The following WIPF3 variants were observed in gnomAD, a reference collection of about 807,000 sequenced individuals.
WIPF3 encodes WAS/WASL interacting protein family member 3.
In WIPF3, 33 loss-of-function variants were observed where a neutral mutation model predicts 38.9. That is an observed-to-expected ratio of 0.85 (90% CI 0.64 to 1.14). The LOEUF is 1.14. Among genes scored for constraint, WIPF3 ranks in the 50% most tolerant of loss-of-function variants. The probability of loss-of-function intolerance (pLI) is 0.00; values close to 1 mark genes in which losing one functional copy is unlikely to be tolerated. For synonymous variants in WIPF3, 324 were observed against 269.3 expected (o/e 1.20, Z -1.99); for missense variants, 711 against 652.5 (o/e 1.09, Z -0.98).
chr7:29,821,858 GCTT>G (rs902154776), intron 1 of WIPF3, among the ~76,000 whole-genome samples: 1 of 151,886 alleles, frequency 6.6e-6, no homozygotes, highest in Non-Finnish European at 1.5e-5. Context: ...TTTTCTTTGG[GCTT>G]CTTCTAGTGT....
intron 3 of WIPF3, among the ~76,000 whole-genome samples, chr7:29,877,868 T>A (rs959041868): frequency 2.6e-5 from 4 of 152,196 alleles, no homozygotes; most frequent in African/African-American, 4.8e-5. Flanking sequence ...TTCAAAATTT[T>A]AAAAAAATCT....
chr7:29,893,189 C>G (rs556203196), intron 7 of WIPF3, among the ~76,000 whole-genome samples: 2 of 152,214 alleles, frequency 1.3e-5, no homozygotes, highest in South Asian at 4.2e-4. Context: ...AGCCAGCATC[C>G]CAGGAGTGCC....
chr7:29,902,276 T>TC (rs1406911528), intron 7 of WIPF3, among the ~76,000 whole-genome samples: 40 of 146,290 alleles, frequency 2.7e-4, no homozygotes, highest in African/African-American at 9.7e-4. Flanking sequence ...TTCTTCTTCT[T>TC]TTTTTTTTTT....
intron 2 of WIPF3, among the ~76,000 whole-genome samples, chr7:29,870,988 AAAG>A (rs1488234487): frequency 6.6e-6 from 1 of 152,148 alleles, no homozygotes; most frequent in African/African-American, 2.4e-5. Flanking sequence ...AGGCTTTAGA[AAAG>A]AAGGTTAGCA....
chr7:29,822,123 G>GTTTTTTGTTT (rs1784546485), intron 1 of WIPF3, among the ~76,000 whole-genome samples: 2 of 62,878 alleles, frequency 3.2e-5, no homozygotes, highest in Non-Finnish European at 5.8e-5. Context: ...TTTTTTCTTA[G>GTTTTTTGTTT]TTTTTTTTTT....
chr7:29,862,569 C>T (rs1357739327), intron 2 of WIPF3, among the ~76,000 whole-genome samples: 1 of 152,154 alleles, frequency 6.6e-6, no homozygotes, highest in Non-Finnish European at 1.5e-5. Flanking sequence ...AAAAAATGAG[C>T]TGTGCAAAGA....
chr7:29,908,908 C>CAAAAAAAAAAAAAAAAAAA (rs59015755), intron 8 of WIPF3, among the ~76,000 whole-genome samples: 2 of 82,840 alleles, frequency 2.4e-5, no homozygotes, highest in Non-Finnish European at 2.5e-5. Flanking sequence ...AACTCCATCT[C>CAAAAAAAAAAAAAAAAAAA]AAAAAAAAAA....
chr7:29,872,056 T>TTATTG (rs2128072667), intron 2 of WIPF3, among the ~76,000 whole-genome samples: 1 of 152,332 alleles, frequency 6.6e-6, no homozygotes, highest in South Asian at 2.1e-4. Flanking sequence ...GTTGGCTTCT[T>TTATTG]TTTTGTTTTG....
intron 1 of WIPF3, among the ~76,000 whole-genome samples, chr7:29,820,852 A>G (rs1784527306): frequency 6.6e-6 from 1 of 152,246 alleles, no homozygotes; most frequent in South Asian, 2.1e-4. Flanking sequence ...TGAGTATAAT[A>G]GCTAAGGAAT....
At chr7:29,874,274 G>A (rs913373033) in intron 2 of WIPF3, among the ~76,000 whole-genome samples, 1 of 152,100 alleles carries the variant, frequency 6.6e-6, no homozygotes, top group Non-Finnish European at 1.5e-5. Flanking sequence ...TAGTTATTGA[G>A]CCAGATCCAA....
At chr7:29,845,090 C>A (rs1784978287) in intron 2 of WIPF3, among the ~76,000 whole-genome samples, 1 of 148,556 alleles carries the variant, frequency 6.7e-6, no homozygotes, top group Admixed American at 6.6e-5. Context: ...GGTTCTTCCA[C>A]CCTTCTAATA....
At chr7:29,901,937 G>C (rs1786290375) in intron 7 of WIPF3, among the ~76,000 whole-genome samples, 1 of 152,066 alleles carries the variant, frequency 6.6e-6, no homozygotes, top group Admixed American at 6.6e-5. Context: ...CCCAAACAGG[G>C]GGAATTTTGC....
chr7:29,832,264 G>C (rs1213025725), intron 1 of WIPF3, among the ~76,000 whole-genome samples: 1 of 152,198 alleles, frequency 6.6e-6, no homozygotes, highest in Middle Eastern at 3.2e-3. Flanking sequence ...AGTGCCTCCT[G>C]TAAAAGAAAG....
chr7:29,834,648 A>G lies in WIPF3; in HGVS notation c.-57-20A>G, dbSNP rs1784769891. On this transcript the variant is annotated intron_variant, in intron 1 of 8. Coordinates refer to ENST00000242140, the MANE Select transcript of WIPF3 (RefSeq NM_001080529.3). ...AGTAAAGAAATCCAAGTTTAAATCC[A>G]TTCTTTTTCTCTTTTTCAGAGCAGA... 2.2e-6 allele frequency: 3 copies of G among 1,386,392 alleles called. No homozygotes were observed. Among genetic ancestry groups the G allele is most frequent in the Non-Finnish European group, 2.8e-6 (3 of 1,066,826 alleles). The allele number at this position is 1,386,392 out of a possible 1,614,324, so 85.9% of individuals were successfully genotyped here.
chr7:29,848,269 G>C (rs1365116105), intron 2 of WIPF3, among the ~76,000 whole-genome samples: 1 of 152,210 alleles, frequency 6.6e-6, no homozygotes, highest in Non-Finnish European at 1.5e-5. Flanking sequence ...ACTCCAGTGA[G>C]ATGGCAGCTC....
Position 29,914,838 on chromosome 7 carries a change from T to G in WIPF3, c.*322T>G, listed in dbSNP as rs1786575523. ...GCTTGCAGGCTGGCCCTTCCTAGAT[T>G]CTGAACCGTTTGTAGAGAGTCCTTA... is the stretch of plus-strand genomic sequence containing the variant. On this transcript the variant is annotated 3_prime_UTR_variant, in exon 9 of 9. Coordinates refer to ENST00000242140, the MANE Select transcript of WIPF3 (RefSeq NM_001080529.3). 4.9e-6 allele frequency: 1 copy of G among 202,764 alleles called. No homozygotes were observed. Among genetic ancestry groups the G allele is most frequent in the South Asian group, 1.8e-4 (1 of 5,486 alleles). 12.6% of individuals were successfully genotyped at this position (202,764 alleles called of 1,614,324 possible).
At chr7:29,862,838 T>C (rs570423397) in intron 2 of WIPF3, among the ~76,000 whole-genome samples, 1 of 151,964 alleles carries the variant, frequency 6.6e-6, no homozygotes, top group African/African-American at 2.4e-5. Flanking sequence ...TTCCTCCTTA[T>C]TTTTTTTATC....
In WIPF3 at chr7:29,857,150, G is replaced by C. The variant is rs138006876; in HGVS notation, c.91-18680G>C. ...ACCAGCGTGAAGCACAGAGCAGACA[G>C]TGCTGGGGCCCTCACTGGGAACTCA... On this transcript the variant is annotated intron_variant, in intron 2 of 8. Transcript: ENST00000242140. Among the ~76,000 whole-genome samples the C allele has an allele frequency of 5.9e-5, 9 of 152,250 alleles. No individual in the cohort carries two copies. In the East Asian group the frequency reaches 1.7e-3, roughly 29 times the overall value.
chr7:29,869,468 T>C (rs1169770962), intron 2 of WIPF3, among the ~76,000 whole-genome samples: 1 of 152,270 alleles, frequency 6.6e-6, no homozygotes, highest in Admixed American at 6.5e-5. Context: ...TCCAGAAGTT[T>C]CTGTGAACTA....
Sources: gnomAD v4.1 joint callset for allele counts (sites outside exome capture counted in the v4.1 genomes callset) on GRCh38, gnomAD v4.1.1 for gene constraint, MANE v1.5 for transcripts, NCBI Gene and HGNC (gene_info 2026-07-23, HGNC 2026-07-21) for gene names.